SLCO3A1: variants seen among roughly 807,000 people sequenced by gnomAD.
SLCO3A1 encodes PGE1 transporter.
Under a neutral mutation model 63.1 loss-of-function variants are expected in SLCO3A1, and 27 were observed. That is an observed-to-expected ratio of 0.43 (90% CI 0.32 to 0.59). The LOEUF is 0.59. Among genes scored for constraint, SLCO3A1 ranks in the 20% least tolerant of loss-of-function variants. The pLI, the probability that SLCO3A1 is intolerant of heterozygous loss-of-function variation, is 0.09. For missense variants in SLCO3A1, 773 were observed against 945.8 expected, an observed-to-expected ratio of 0.82 and a Z score of 2.40; for synonymous variants, 473 against 409.9, an observed-to-expected ratio of 1.15 and a Z score of -1.86.
chr15:92,076,957 T>A (rs1313789622), intron 2 of SLCO3A1, among the ~76,000 whole-genome samples: 1 of 152,058 alleles, frequency 6.6e-6, no homozygotes, highest in Non-Finnish European at 1.5e-5. Context: ...GAAAAGAGAT[T>A]TAATTCACTC....
chr15:91,932,897 G>C (rs1489497149), intron 2 of SLCO3A1, among the ~76,000 whole-genome samples: 1 of 152,196 alleles, frequency 6.6e-6, no homozygotes, highest in Non-Finnish European at 1.5e-5. Context: ...CTTCCATCAT[G>C]GGACACATGT....
In SLCO3A1 at chr15:91,883,460, C is replaced by T. The variant is rs1384252112; in HGVS notation, c.180+29372C>T. Among the ~76,000 whole-genome samples the T allele has an allele frequency of 1.3e-5, 2 of 152,178 alleles. No individual in the cohort carries two copies. Among genetic ancestry groups the T allele is most frequent in the Non-Finnish European group, 2.9e-5 (2 of 68,040 alleles). On this transcript the variant is annotated intron_variant, in intron 1 of 9. Transcript: ENST00000318445. The surrounding 1 kb of genome is among the most constrained non-coding windows in gnomAD (Gnocchi z 4.8). ...CTCTTGCTCTGAGGCTGGGGCTCCCCGGAGGGATGTACCTCGCACTGACTG... is the reference window on the plus strand; with the variant it reads ...CTCTTGCTCTGAGGCTGGGGCTCCCTGGAGGGATGTACCTCGCACTGACTG...
chr15:92,010,515 G>A (rs1315402401), intron 2 of SLCO3A1, among the ~76,000 whole-genome samples: 1 of 152,058 alleles, frequency 6.6e-6, no homozygotes, highest in Non-Finnish European at 1.5e-5. Context: ...CATATTGATT[G>A]GTGTTAGTAT....
At chr15:92,014,146 G>A (rs1306938131) in intron 2 of SLCO3A1, among the ~76,000 whole-genome samples, 1 of 152,098 alleles carries the variant, frequency 6.6e-6, no homozygotes, top group Non-Finnish European at 1.5e-5. Flanking sequence ...CCTTGGCAGG[G>A]GAGAAATATA....
At chr15:92,116,820 G>C (rs1457856249) in intron 4 of SLCO3A1, among the ~76,000 whole-genome samples, 1 of 152,144 alleles carries the variant, frequency 6.6e-6, no homozygotes, top group Non-Finnish European at 1.5e-5. Flanking sequence ...GGGGATGGGA[G>C]GAAGAACTTG....
chr15:92,044,685 A>G (rs918507346), intron 2 of SLCO3A1, among the ~76,000 whole-genome samples: 10 of 152,080 alleles, frequency 6.6e-5, no homozygotes, highest in African/African-American at 2.4e-4. Flanking sequence ...GCTCTTCTTA[A>G]GTCGTCACCT....
intron 2 of SLCO3A1, among the ~76,000 whole-genome samples, chr15:92,020,495 G>A (rs2046495673): frequency 6.6e-6 from 1 of 152,222 alleles, no homozygotes; most frequent in African/African-American, 2.4e-5. Flanking sequence ...AGGTTTTTGG[G>A]CTAACTAGCA....
rs1268206950 is a variant in SLCO3A1 at position 91,865,694 on chromosome 15, C to T, written c.180+11606C>T. On this transcript the variant is annotated intron_variant, in intron 1 of 9. Coordinates refer to ENST00000318445, the MANE Select transcript of SLCO3A1 (RefSeq NM_013272.4). The surrounding 1 kb of genome is among the most constrained non-coding windows in gnomAD (Gnocchi z 4.6). ...CATGGTGTTTCCCCCGCGTCTCTCTCTCTTCTTCTTCTAAGGACACCGGTC... is the reference window on the plus strand; with the variant it reads ...CATGGTGTTTCCCCCGCGTCTCTCTTTCTTCTTCTTCTAAGGACACCGGTC... Among the ~76,000 whole-genome samples, 3 of 152,212 alleles carry T rather than the reference C, an allele frequency of 2.0e-5. No homozygotes were observed. Among genetic ancestry groups the T allele is most frequent in the Non-Finnish European group, 4.4e-5 (3 of 68,040 alleles).
intron 2 of SLCO3A1, among the ~76,000 whole-genome samples, chr15:92,016,254 T>TGATAGATAGATTGATTGATTAGATAGA: frequency 2.2e-4 from 21 of 95,708 alleles, no homozygotes; most frequent in African/African-American, 7.9e-4. Flanking sequence ...GATAGATAGA[T>TGATAGATAGATTGATTGATTAGATAGA]TAGATAGATA....
At chr15:92,127,578 G>C (rs1163264928) in intron 6 of SLCO3A1, among the ~76,000 whole-genome samples, 1 of 152,164 alleles carries the variant, frequency 6.6e-6, no homozygotes, top group Admixed American at 6.5e-5. Flanking sequence ...TTATTATGAA[G>C]TGCTCTGAGC....
intron 2 of SLCO3A1, among the ~76,000 whole-genome samples, chr15:92,043,687 C>T (rs1450788226): frequency 6.6e-6 from 1 of 152,218 alleles, no homozygotes; most frequent in African/African-American, 2.4e-5. Flanking sequence ...TTTTTCAACC[C>T]ACTGCATCTC....
intron 2 of SLCO3A1, among the ~76,000 whole-genome samples, chr15:92,064,110 G>A (rs2047119879): frequency 6.6e-6 from 1 of 152,164 alleles, no homozygotes; most frequent in East Asian, 1.9e-4. Flanking sequence ...ACTAGAGATA[G>A]TCTCCTAACA....
intron 2 of SLCO3A1, among the ~76,000 whole-genome samples, chr15:91,936,009 C>T (rs1351700485): frequency 6.6e-6 from 1 of 152,192 alleles, no homozygotes; most frequent in Non-Finnish European, 1.5e-5. Context: ...AGCAAGGAGT[C>T]ACAAGTGGGT....
intron 3 of SLCO3A1, among the ~76,000 whole-genome samples, chr15:92,100,065 CAAAAAAAA>C (rs11336185): frequency 3.5e-5 from 5 of 142,852 alleles, no homozygotes; most frequent in African/African-American, 7.8e-5. Context: ...AACTCCATCT[CAAAAAAAA>C]AAAACAAAAA....
rs117788956 is a variant in SLCO3A1 at position 92,011,295 on chromosome 15, G to T, written c.647-83586G>T. 1.9e-3 allele frequency among the ~76,000 whole-genome samples: 289 copies of T among 152,166 alleles called. 6 individuals are homozygous for T. In the East Asian group the frequency reaches 0.048, roughly 25 times the overall value. The stretch of plus-strand genomic sequence containing the variant: ...CCATCTTACCTTATGATCAAATCAG[G>T]GTAATTAGCATAGCTCTTACCTCAA... On this transcript the variant is annotated intron_variant, in intron 2 of 9. Coordinates refer to ENST00000318445, the MANE Select transcript of SLCO3A1 (RefSeq NM_013272.4).
chr15:91,916,068 G>A lies in SLCO3A1; in HGVS notation c.256G>A (p.Glu86Lys). The change falls in exon 2 of 10, where the codon GAG becomes AAG. Residue 86 changes from glutamate (E) to lysine (K), a missense_variant. Coordinates refer to ENST00000318445, the MANE Select transcript of SLCO3A1 (RefSeq NM_013272.4). The surrounding 1 kb of genome is among the most constrained non-coding windows in gnomAD (Gnocchi z 6.2). ...ADVGVIASSF[E>K]IGNLALILFV... ...CGTGGGTGTGATCGCTAGCAGCTTC[G>A]AGATCGGGAACCTGGCGCTCATCCT... The A allele has an allele frequency of 6.2e-7, 1 of 1,613,272 alleles. No homozygotes were observed. The highest frequency in any genetic ancestry group is 8.5e-7 in the Non-Finnish European group (1 of 1,179,978).
chr15:92,145,541 G>C (rs1214559664), intron 7 of SLCO3A1, among the ~76,000 whole-genome samples: 1 of 152,164 alleles, frequency 6.6e-6, no homozygotes, highest in Non-Finnish European at 1.5e-5. Flanking sequence ...TCTGCTGTAG[G>C]GTGGAGCGAC....
intron 7 of SLCO3A1, among the ~76,000 whole-genome samples, chr15:92,128,826 A>T (rs968365944): frequency 6.6e-6 from 1 of 152,212 alleles, no homozygotes; most frequent in Non-Finnish European, 1.5e-5. Context: ...CACCAGAAGT[A>T]TGTCAAGAGA....
chr15:92,110,351 G>A (rs2047713852), intron 4 of SLCO3A1, among the ~76,000 whole-genome samples: 1 of 152,162 alleles, frequency 6.6e-6, no homozygotes, highest in African/African-American at 2.4e-5. Flanking sequence ...TGTTGTCCAT[G>A]CTGTGATCTT....
Sources: allele counts gnomAD v4.1 joint callset (sites outside exome capture counted in the v4.1 genomes callset), GRCh38; gene constraint gnomAD v4.1.1; non-coding constraint Gnocchi (gnomAD v3.1); transcripts MANE v1.5; gene names NCBI Gene and HGNC (gene_info 2026-07-23, HGNC 2026-07-21).